Variants in CHD9 observed in about 807,000 individuals in gnomAD.
The protein encoded by CHD9 is chromodomain helicase DNA binding protein 9, also known as ATP-dependent chromatin remodeler CHD9.
CHD9 carries 77 observed loss-of-function variants against 316.1 expected under a neutral mutation model. The ratio of observed to expected loss-of-function variants is 0.24; its 90% confidence interval spans 0.20 to 0.29. CHD9 has a LOEUF of 0.29. Among genes scored for constraint, CHD9 ranks in the 10% least tolerant of loss-of-function variants. The pLI is 1.00. For synonymous variants in CHD9, 1,129 were observed against 1,158.3 expected (o/e 0.97, Z 0.51); for missense variants, 2,763 against 3,438.1 (o/e 0.80, Z 4.91).
intron 1 of CHD9, among the ~76,000 whole-genome samples, chr16:53,141,141 G>A (rs897536808): frequency 5.9e-5 from 9 of 152,172 alleles, no homozygotes; most frequent in Admixed American, 1.3e-4. Context: ...TTTGAAAACA[G>A]AGTGTTTACA....
intron 1 of CHD9, among the ~76,000 whole-genome samples, chr16:53,096,327 G>T (rs1024783253): frequency 2.6e-5 from 4 of 152,082 alleles, no homozygotes; most frequent in Non-Finnish European, 5.9e-5. Context: ...CCAACACAAT[G>T]CCGGGTACCT....
Position 53,304,026 on chromosome 16 carries a change from C to G in CHD9, c.6020C>G (p.Ala2007Gly), listed in dbSNP as rs1208598371. Residue 2007 changes from alanine (A) to glycine (G), a missense_variant, in exon 31 of 39, where the codon GCT (alanine) becomes GGT (glycine). Ala to Gly is a moderately conservative substitution (Grantham distance 60). Around this residue, in one of 15 missense-constraint regions of CHD9, gnomAD observed 663 missense variants for 751.2 expected, o/e 0.88. Coordinates refer to ENST00000447540, the MANE Select transcript of CHD9 (RefSeq NM_001308319.2). ...AQRNYSQSKM[A>G]HSRTSTPLLQ... is the part of the protein sequence containing the mutation. ...AGGAACTACAGTCAAAGTAAGATGG[C>G]TCATTCAAGGACTTCTACCCCACTT... The G allele has an allele frequency of 1.9e-6, 3 of 1,614,006 alleles. No homozygotes were observed. In the East Asian group the frequency reaches 6.7e-5, roughly 36 times the overall value.
At chr16:53,248,435 A>G (rs990679303) in intron 16 of CHD9, among the ~76,000 whole-genome samples, 59 of 151,432 alleles carry the variant, frequency 3.9e-4, no homozygotes, top group African/African-American at 1.2e-3. Flanking sequence ...TGATAGTAAC[A>G]TATTAATGTA....
Position 53,209,738 on chromosome 16 carries a change from T to G in CHD9, c.1709T>G (p.Met570Arg). ...EGKEEKKGRR[M>R]KSKPKDKDSK... ...AAAGAGGAAAAGAAAGGTAGAAGGA[T>G]GAAATCCAAGCCAAAGGACAAAGAC... Residue 570 changes from methionine (M) to arginine (R), a missense_variant, in exon 3 of 39, where the codon ATG (methionine) becomes AGG (arginine). Transcript: ENST00000447540. 6.2e-7 allele frequency: 1 copy of G among 1,613,592 alleles called. No homozygotes were observed. The highest frequency in any genetic ancestry group is 2.2e-5 in the East Asian group (1 of 44,848).
At chr16:53,316,846 G>A (rs1184080977) in intron 36 of CHD9, among the ~76,000 whole-genome samples, 3 of 152,140 alleles carry the variant, frequency 2.0e-5, no homozygotes, top group Admixed American at 6.5e-5. Flanking sequence ...GATGAAAAAA[G>A]AGTAAGTAGG....
At chr16:53,254,981 C>A (rs894417358) in intron 18 of CHD9, among the ~76,000 whole-genome samples, 1 of 151,114 alleles carries the variant, frequency 6.6e-6, no homozygotes, top group Non-Finnish European at 1.5e-5. Context: ...GCTTTTTTTT[C>A]GCTCAAGGTT....
rs148295224 is a variant in CHD9 at position 53,194,250 on chromosome 16, A to C, written c.1453-15232A>C. On this transcript the variant is annotated intron_variant, in intron 2 of 38. Coordinates refer to ENST00000447540, the MANE Select transcript of CHD9 (RefSeq NM_001308319.2). ...CTTAAAAAAAAAAAAAAGTCTAAAA[A>C]AACTGAACTTAGTTCAGCATCACTA... 3.1e-3 allele frequency among the ~76,000 whole-genome samples: 478 copies of C among 152,080 alleles called. 7 individuals are homozygous for C. The highest frequency in any genetic ancestry group is 0.011 in the African/African-American group (462 of 41,490).
At chr16:53,104,174 G>A (rs997992413) in intron 1 of CHD9, among the ~76,000 whole-genome samples, 6 of 152,164 alleles carry the variant, frequency 3.9e-5, no homozygotes, top group African/African-American at 1.4e-4. Context: ...GGTGAACTCT[G>A]ACATTTTATT....
At position 53,304,534 on chromosome 16, in the gene CHD9, T is replaced by G. The variant is rs1465915142; in HGVS notation, c.6528T>G (p.Ser2176=). 4 of 1,546,602 alleles carry G rather than the reference T, an allele frequency of 2.6e-6. No individual in the cohort carries two copies. The African/African-American group carries it at 5.5e-5, about 21-fold the overall frequency. ...CTTCATCTTGTTCTTCAGCATCTTC[T>G]TCATCCTCTTCCTCCACCTCTTCCT... The part of the protein sequence containing the change: ...SSSSSCSSAS[S]SSSSSTSSSS... Residue 2176 remains serine, a synonymous_variant, in exon 31 of 39, where the codon TCT becomes TCG. Transcript: ENST00000447540.
chr16:53,295,605 A>G (rs769414980), intron 29 of CHD9, among the ~76,000 whole-genome samples: 2 of 152,006 alleles, frequency 1.3e-5, no homozygotes, highest in Non-Finnish European at 2.9e-5. Context: ...ACTCTGTCAT[A>G]TTTTTTGTGT....
At chr16:53,287,556 C>G (rs759249607) in intron 26 of CHD9, among the ~76,000 whole-genome samples, 4 of 152,058 alleles carry the variant, frequency 2.6e-5, no homozygotes, top group Admixed American at 6.6e-5. Flanking sequence ...GGTGAAACCC[C>G]GTCTCTACTA....
intron 36 of CHD9, among the ~76,000 whole-genome samples, chr16:53,315,722 C>T (rs1417971317): frequency 2.0e-5 from 3 of 152,190 alleles, no homozygotes; most frequent in African/African-American, 7.2e-5. Context: ...TCAAGCAATC[C>T]GCCTGCTCAG....
rs758591906 is a variant in CHD9 at position 53,155,945 on chromosome 16, A to G, written c.-145A>G. The G allele has an allele frequency of 1.2e-4, 86 of 719,286 alleles. No individual in the cohort carries two copies. The highest frequency in any genetic ancestry group is 1.9e-4 in the Non-Finnish European group (83 of 445,782). The allele number at this position is 719,286 out of a possible 1,614,324, so 44.6% of individuals were successfully genotyped here. On this transcript the variant is annotated 5_prime_UTR_variant, in exon 2 of 39. An upstream start codon of the reference 5' UTR is lost. Transcript: ENST00000447540. ...TTCTAGGATTTTGACACTTCATGAC[A>G]TGTCATTATTTAGAGCAATAATGAA...
chr16:53,128,948 TAGA>T (rs1326277651), intron 1 of CHD9, among the ~76,000 whole-genome samples: 1 of 152,052 alleles, frequency 6.6e-6, no homozygotes, highest in African/African-American at 2.4e-5. Context: ...GGTTGTTAGG[TAGA>T]AGAATAGAGA....
chr16:53,320,747 T>G (rs938046048), intron 37 of CHD9, among the ~76,000 whole-genome samples: 3 of 152,176 alleles, frequency 2.0e-5, no homozygotes, highest in Non-Finnish European at 2.9e-5. Flanking sequence ...TGTGTCATAT[T>G]ATTACATTTT....
rs558149078 is a variant in CHD9, at chr16:53,138,056, T to C, written c.-164-17870T>C. 1.1e-4 allele frequency among the ~76,000 whole-genome samples: 17 copies of C among 152,264 alleles called. No homozygotes were observed. In the South Asian group the frequency reaches 3.5e-3, roughly 32 times the overall value. On this transcript the variant is annotated intron_variant, in intron 1 of 38. Coordinates refer to ENST00000447540, the MANE Select transcript of CHD9 (RefSeq NM_001308319.2). ...GAGGGGGGGAAATATGACAAAGATC[T>C]GTATGATTTTTGAGATTAATAGAAA...
In CHD9 at chr16:53,304,436, T is replaced by G; in HGVS notation, c.6430T>G (p.Ser2144Ala). Residue 2144 changes from serine (S) to alanine (A), a missense_variant, in exon 31 of 39, where the codon TCT becomes GCT. This residue lies in a region of CHD9 where 663 missense variants were observed against 751.2 expected (regional missense o/e 0.88). Coordinates refer to ENST00000447540, the MANE Select transcript of CHD9 (RefSeq NM_001308319.2). ...SDSDSERSSC[S>A]SRSSSSSSSS... is the part of the protein sequence containing the mutation. ...CTCAGATTCTGAGAGATCATCTTGT[T>G]CTTCCAGATCATCTTCTTCCTCATC... 6.3e-7 allele frequency: 1 copy of G among 1,591,980 alleles called. No individual in the cohort carries two copies. The highest frequency in any genetic ancestry group is 2.3e-5 in the East Asian group (1 of 43,910).
intron 29 of CHD9, among the ~76,000 whole-genome samples, chr16:53,295,892 T>G (rs894871931): frequency 7.0e-4 from 106 of 152,230 alleles, no homozygotes; most frequent in African/African-American, 2.5e-3. Flanking sequence ...TATTACCATC[T>G]CAAAGCATCA....
intron 1 of CHD9, among the ~76,000 whole-genome samples, chr16:53,097,702 T>C (rs890495803): frequency 1.8e-4 from 27 of 152,236 alleles, no homozygotes; most frequent in African/African-American, 6.0e-4. Context: ...TCAACAAATA[T>C]TTATTGAATG....
Sources: gnomAD v4.1 joint callset for allele counts (sites outside exome capture counted in the v4.1 genomes callset) on GRCh38, gnomAD v4.1.1 for gene constraint, gnomAD v4.1.1 regional missense constraint, MANE v1.5 for transcripts, NCBI Gene and HGNC (gene_info 2026-07-23, HGNC 2026-07-21) for gene names.